TNNI2: variants seen among roughly 807,000 people sequenced by gnomAD.
The protein encoded by TNNI2 is troponin I, fast skeletal muscle.
TNNI2 carries 14 observed loss-of-function variants against 26.5 expected under a neutral mutation model. The ratio of observed to expected loss-of-function variants is 0.53; its 90% CI spans 0.35 to 0.83. The LOEUF is 0.83. Among genes scored for constraint, TNNI2 ranks in the 40% least tolerant of loss-of-function variants. TNNI2 has a pLI of 0.01. For synonymous variants in TNNI2, 126 were observed against 97.6 expected, an observed-to-expected ratio of 1.29 and a Z score of -1.71; for missense variants, 205 against 248.5, an observed-to-expected ratio of 0.82 and a Z score of 1.18.
chr11:1,839,836 C>T lies in TNNI2; in HGVS notation c.9-13C>T. On this transcript the variant is annotated splice_polypyrimidine_tract_variant and intron_variant, in intron 2 of 7. Coordinates refer to ENST00000381911, the MANE Select transcript of TNNI2 (RefSeq NM_003282.4). ...CTCTCCCCGTCCTGCCTGCGTCCTC[C>T]CTCCCTGGACAGTGAGGAGGTAAGT... 1.2e-6 allele frequency: 2 copies of T among 1,613,906 alleles called. No individual in the cohort carries two copies. Among genetic ancestry groups the T allele is most frequent in the Non-Finnish European group, 1.7e-6 (2 of 1,179,874 alleles).
chr11:1,839,704 A>G lies in TNNI2; in HGVS notation c.8A>G (p.Asp3Gly). 6.2e-7 allele frequency: 1 copy of G among 1,613,704 alleles called. No homozygotes were observed. The highest frequency in any genetic ancestry group is 8.5e-7 in the Non-Finnish European group (1 of 1,179,864). MG[D>G]EEKRNRAITA... ...CAAGCTCAGGACCTCAGGATGGGAG[A>G]GTAAGTGGTACCCCTGTACCCCCAT... The change falls in exon 2 of 8, where the codon GAT (aspartate) becomes GGT (glycine). Residue 3 changes from aspartate to glycine, a missense_variant and splice_region_variant. Asp to Gly is a moderately conservative substitution (Grantham distance 94). Coordinates refer to ENST00000381911, the MANE Select transcript of TNNI2 (RefSeq NM_003282.4).
In TNNI2 at chr11:1,840,460, C is replaced by T. The variant is rs759614465; in HGVS notation, c.57+16C>T. On this transcript the variant is annotated intron_variant, in intron 4 of 7. Transcript: ENST00000381911. ...GCACCTGAAGGTAGGTGTGGGCTCC[C>T]GGGGGGGTGGCCCAGGTGGGTCTGC... is the stretch of plus-strand genomic sequence containing the variant. The T allele has an allele frequency of 6.2e-6, 10 of 1,610,336 alleles. No homozygotes were observed. Among genetic ancestry groups the T allele is most frequent in the Admixed American group, 3.3e-5 (2 of 59,818 alleles).
Position 1,840,805 on chromosome 11 carries a change from A to G in TNNI2, c.187-14A>G. ...AGTGTCAGGACGGCCGCCCGCCCCC[A>G]CACCCACCCCTAGGAGCTCTGCAAA... On this transcript the variant is annotated splice_polypyrimidine_tract_variant and intron_variant, in intron 5 of 7. Coordinates refer to ENST00000381911, the MANE Select transcript of TNNI2 (RefSeq NM_003282.4). 1 of 1,523,720 alleles carries G rather than the reference A, an allele frequency of 6.6e-7. No individual in the cohort carries two copies. The highest frequency in any genetic ancestry group is 9.1e-7 in the Non-Finnish European group (1 of 1,100,614). 94.4% of individuals were successfully genotyped at this position (1,523,720 alleles called of 1,614,324 possible).
At chr11:1,839,414 C>A in intron 1 of TNNI2, 1 of 450,698 alleles carries the variant, frequency 2.2e-6, no homozygotes, top group Non-Finnish European at 4.1e-6. Context: ...TGGCCCATCC[C>A]ACCCTCCCTC....
intron 1 of TNNI2, chr11:1,839,391 C>T (rs1364781641): frequency 1.4e-5 from 7 of 502,416 alleles, no homozygotes; most frequent in South Asian, 8.2e-5. Flanking sequence ...GTCACTCAGG[C>T]GGCCACCTGC....
Position 1,840,581 on chromosome 11 carries a change from T to A in TNNI2, c.111T>A (p.Arg37=). The stretch of plus-strand genomic sequence containing the variant: ...AGCTGGAGAAGGAGGAGAGCCGCCG[T>A]GAGGCAGAGAAGCAGAACTACCTGG... ...ATELEKEESR[R]EAEKQNYLAE... is the part of the protein sequence containing the mutation. The change falls in exon 5 of 8, where the codon CGT becomes CGA. Residue 37 remains arginine, a synonymous_variant. Transcript: ENST00000381911. The A allele has an allele frequency of 1.2e-6, 2 of 1,612,710 alleles. No individual in the cohort carries two copies. The highest frequency in any genetic ancestry group is 1.7e-6 in the Non-Finnish European group (2 of 1,179,848).
Position 1,841,450 on chromosome 11 carries a change from C to A in TNNI2, c.454-6C>A. ...CCTGAGCTCTCTCCTGCCCTCTCCT[C>A]CACAGGAGCGGGACCTGCGAGACGT... On this transcript the variant is annotated splice_region_variant and splice_polypyrimidine_tract_variant and intron_variant, in intron 7 of 7. Transcript: ENST00000381911. 1.9e-6 allele frequency: 3 copies of A among 1,613,598 alleles called. No homozygotes were observed. The highest frequency in any genetic ancestry group is 2.5e-6 in the Non-Finnish European group (3 of 1,179,540).
chr11:1,840,536 G>C lies in TNNI2; in HGVS notation c.66G>C (p.Met22Ile). The C allele has an allele frequency of 6.2e-7, 1 of 1,612,294 alleles. No individual in the cohort carries two copies. Among genetic ancestry groups the C allele is most frequent in the Non-Finnish European group, 8.5e-7 (1 of 1,179,718 alleles). ...CGCCTGCCCCACCGCAGAGTGTGAT[G>C]CTGCAGATAGCGGCCACGGAGCTGG... Reference protein sequence around the residue: ...TARRQHLKSVMLQIAATELEK... With the variant: ...TARRQHLKSVILQIAATELEK... Residue 22 changes from methionine (M) to isoleucine (I), a missense_variant, in exon 5 of 8, where the codon ATG becomes ATC. Physicochemically the swap from Met to Ile is conservative, Grantham distance 10. Transcript: ENST00000381911.
At chr11:1,840,997 A>T (rs961321507) in intron 6 of TNNI2, 34 bp from the exon 7 acceptor site, 1 of 1,603,538 alleles carries the variant, frequency 6.2e-7, no homozygotes, top group Admixed American at 1.7e-5. Context: ...GACCACCGGG[A>T]CCTCGGGCTC....
rs555004172 is a variant in TNNI2 at position 1,841,626 on chromosome 11, T to C, written c.*75T>C. The C allele has an allele frequency of 7.8e-5, 108 of 1,392,756 alleles. 1 individual carries two copies. The South Asian group carries it at 1.2e-3, about 15-fold the overall frequency. The allele number at this position is 1,392,756 out of a possible 1,614,324, so 86.3% of individuals were successfully genotyped here. On this transcript the variant is annotated 3_prime_UTR_variant, in exon 8 of 8. Transcript: ENST00000381911. ...ATACTAGGGAGATGCACCCAGAGCC[T>C]GCCAGGGAGGGCTGGCCTCACCACC...
intron 1 of TNNI2, 118 bp from the exon 2 acceptor site, chr11:1,839,557 G>A: frequency 1.0e-6 from 1 of 971,504 alleles, no homozygotes; most frequent in Middle Eastern, 3.2e-4. Flanking sequence ...GTGAGAGTAG[G>A]GGGTGGGCGG....
At position 1,841,617 on chromosome 11, in the gene TNNI2, C is replaced by T. The variant is rs1220574741; in HGVS notation, c.*66C>T. Reference sequence around the variant, plus strand: ...CAGCAGAACATACTAGGGAGATGCACCCAGAGCCTGCCAGGGAGGGCTGGC... The same window carrying T: ...CAGCAGAACATACTAGGGAGATGCATCCAGAGCCTGCCAGGGAGGGCTGGC... On this transcript the variant is annotated 3_prime_UTR_variant, in exon 8 of 8. Coordinates refer to ENST00000381911, the MANE Select transcript of TNNI2 (RefSeq NM_003282.4). 6.8e-7 allele frequency: 1 copy of T among 1,466,006 alleles called. No homozygotes were observed. The highest frequency in any genetic ancestry group is 9.5e-7 in the Non-Finnish European group (1 of 1,049,642). The allele number at this position is 1,466,006 out of a possible 1,614,324, so 90.8% of individuals were successfully genotyped here. A position where few individuals can be genotyped will look rare whatever the true frequency, so the allele number is the denominator to read the frequency against.
In TNNI2 at chr11:1,841,022, T is replaced by C; in HGVS notation, c.277-9T>C. The C allele has an allele frequency of 6.2e-7, 1 of 1,611,954 alleles. No homozygotes were observed. Among genetic ancestry groups the C allele is most frequent in the East Asian group, 2.2e-5 (1 of 44,820 alleles). ...ACCTCGGGCTCCCACCCGGCTCCCC[T>C]GCCCACAGCTGGAGGACATGAACCA... On this transcript the variant is annotated splice_polypyrimidine_tract_variant and intron_variant, in intron 6 of 7. Coordinates refer to ENST00000381911, the MANE Select transcript of TNNI2 (RefSeq NM_003282.4).
intron 1 of TNNI2, 52 bp from the exon 2 acceptor site, chr11:1,839,623 G>T: frequency 1.2e-6 from 2 of 1,603,794 alleles, no homozygotes. Context: ...ATGGGCACAG[G>T]CATCACGGTG....
chr11:1,839,444 C>T lies in TNNI2; in HGVS notation c.-22-231C>T. The T allele has an allele frequency of 8.1e-6, 4 of 496,400 alleles. No individual in the cohort carries two copies. The South Asian group carries it at 8.8e-5, about 11-fold the overall frequency. 30.7% of individuals were successfully genotyped at this position (496,400 alleles called of 1,614,324 possible). ...TCCCTCGGGGACAGCTGCAGCTCCT[C>T]AGGCTATGCCTGGGACATTTTGGGA... On this transcript the variant is annotated intron_variant, in intron 1 of 7. Transcript: ENST00000381911.
At chr11:1,840,115 G>A (rs534069656) in intron 3 of TNNI2, 33 of 1,058,990 alleles carry the variant, frequency 3.1e-5, no homozygotes, top group Admixed American at 8.8e-5. Context: ...TGCACTTCCC[G>A]CCCCCACCTC....
At chr11:1,840,990 C>A (rs779895382) in intron 6 of TNNI2, 41 bp from the exon 7 acceptor site, 1 of 1,599,058 alleles carries the variant, frequency 6.3e-7, no homozygotes, top group South Asian at 1.1e-5. Context: ...AGGCCGAGAC[C>A]ACCGGGACCT....
chr11:1,840,178 C>T, intron 3 of TNNI2: 2 of 1,551,080 alleles, frequency 1.3e-6, no homozygotes, highest in Non-Finnish European at 1.7e-6. Context: ...TCTGGCCTCC[C>T]AGCACCATGT....
At chr11:1,840,120 C>G in intron 3 of TNNI2, 1 of 1,283,322 alleles carries the variant, frequency 7.8e-7, no homozygotes, top group Non-Finnish European at 1.1e-6. Context: ...TTCCCGCCCC[C>G]ACCTCACCGG....
Sources: allele counts gnomAD v4.1 joint callset, GRCh38; gene constraint gnomAD v4.1.1; transcripts MANE v1.5; gene names NCBI Gene and HGNC (gene_info 2026-07-23, HGNC 2026-07-21).